SORT1: variants seen among roughly 807,000 people sequenced by gnomAD.
The protein encoded by SORT1 is sortilin.
A neutral mutation model predicts 101.7 loss-of-function variants in SORT1; 39 were observed. The observed-to-expected ratio is 0.38, with a 90% CI of 0.30 to 0.50. The LOEUF (loss-of-function observed/expected upper bound fraction) is 0.50. Among genes scored for constraint, SORT1 ranks in the 20% least tolerant of loss-of-function variants. The pLI, the probability that SORT1 is intolerant of heterozygous loss-of-function variation, is 0.90. For synonymous variants in SORT1, 396 were observed against 393.7 expected (o/e 1.01, Z -0.07); for missense variants, 878 against 1,040.4 (o/e 0.84, Z 2.15).
rs141187217 is a variant in SORT1, at chr1:109,313,205, G to C, written c.*838C>G. 1.3e-5 allele frequency: 2 copies of C among 152,558 alleles called. No individual in the cohort carries two copies. The highest frequency in any genetic ancestry group is 3.8e-4 in the East Asian group (2 of 5,198). 9.5% of individuals were successfully genotyped at this position (152,558 alleles called of 1,614,324 possible). ...AGCTAAGTTTGTACCCTGTCCTTGCGTAAGTCTACTGGCACACACACAAAG... is the reference window on the plus strand; with the variant it reads ...AGCTAAGTTTGTACCCTGTCCTTGCCTAAGTCTACTGGCACACACACAAAG... On this transcript the variant is annotated 3_prime_UTR_variant, in exon 20 of 20. Transcript: ENST00000256637.
At chr1:109,391,740 T>G (rs548160039) in intron 1 of SORT1, among the ~76,000 whole-genome samples, 1 of 152,282 alleles carries the variant, frequency 6.6e-6, no homozygotes, top group South Asian at 2.1e-4. Context: ...CAGTCACCAT[T>G]GAAACAAGAA....
chr1:109,393,205 C>T (rs1009483239), intron 1 of SORT1: 12 of 984,870 alleles, frequency 1.2e-5, no homozygotes, highest in Non-Finnish European at 1.4e-5. Flanking sequence ...CCATACAACA[C>T]GGCCTCTCTA....
intron 1 of SORT1, among the ~76,000 whole-genome samples, chr1:109,395,377 C>T (rs530124091): frequency 8.9e-4 from 135 of 151,784 alleles, no homozygotes; most frequent in African/African-American, 3.1e-3. Flanking sequence ...CATGCCACCG[C>T]GTCTGGCTAA....
chr1:109,376,754 G>A (rs1040831867), intron 1 of SORT1, among the ~76,000 whole-genome samples: 1 of 152,178 alleles, frequency 6.6e-6, no homozygotes, highest in African/African-American at 2.4e-5. Context: ...AGGGACGCAG[G>A]TGAGTACTGG....
At position 109,322,993 on chromosome 1, in the gene SORT1, G is replaced by C. The variant is rs750748573; in HGVS notation, c.1963C>G (p.Arg655Gly). The C allele has an allele frequency of 6.2e-7, 1 of 1,614,122 alleles. No individual in the cohort carries two copies. The highest frequency in any genetic ancestry group is 8.5e-7 in the Non-Finnish European group (1 of 1,180,012). Reference protein sequence around the residue: ...LRKSSVCQNGRDYVVTKQPSI... With the variant: ...LRKSSVCQNGGDYVVTKQPSI... ...GGCTGCTTGGTCACAACATAGTCTC[G>C]ACCATTCTGACACACGGATGACTTG... The change falls in exon 15 of 20, where the codon CGA becomes GGA. Residue 655 changes from arginine to glycine, a missense_variant. Physicochemically the swap from Arg to Gly is moderately radical, Grantham distance 125. Coordinates refer to ENST00000256637, the MANE Select transcript of SORT1 (RefSeq NM_002959.7).
chr1:109,313,928 GAAAC>G lies in SORT1; in HGVS notation c.*111_*114del, dbSNP rs1658870633. 1.1e-4 allele frequency: 111 copies of G among 973,858 alleles called. 2 individuals carry two copies. In the South Asian group the frequency reaches 1.7e-3, roughly 15 times the overall value. The allele number at this position is 973,858 out of a possible 1,614,324, so 60.3% of individuals were successfully genotyped here. ...CCTTTTGGCTTTGATGGAAGCAGCA[GAAAC>G]AGAGCTGGGTCCCTCGCAATGGGAA... On this transcript the variant is annotated 3_prime_UTR_variant, in exon 20 of 20. Coordinates refer to ENST00000256637, the MANE Select transcript of SORT1 (RefSeq NM_002959.7).
chr1:109,348,271 C>T (rs2101592873), intron 6 of SORT1, among the ~76,000 whole-genome samples: 1 of 150,488 alleles, frequency 6.6e-6, no homozygotes, highest in East Asian at 1.9e-4. Context: ...GGATTGCAAC[C>T]AAAAAAAGGT....
chr1:109,333,736 G>C (rs930968663), intron 11 of SORT1, among the ~76,000 whole-genome samples: 1 of 152,150 alleles, frequency 6.6e-6, no homozygotes, highest in Non-Finnish European at 1.5e-5. Context: ...TATTATCAAA[G>C]AGATAAAAGG....
At position 109,353,750 on chromosome 1, in the gene SORT1, T is replaced by C. The variant is rs1570940656; in HGVS notation, c.708+617A>G. Among the ~76,000 whole-genome samples the C allele has an allele frequency of 2.0e-5, 3 of 152,174 alleles. No homozygotes were observed. In the South Asian group the frequency reaches 6.2e-4, roughly 32 times the overall value. ...ATTCTGATTATTATAGTCTAGCAAC[T>C]CAGCCACTTTGGGCCCTTAACCACA... On this transcript the variant is annotated intron_variant, in intron 5 of 19. Coordinates refer to ENST00000256637, the MANE Select transcript of SORT1 (RefSeq NM_002959.7).
chr1:109,395,208 CTTTTTTTTTTTTTTTTT>C (rs71069681), intron 1 of SORT1, among the ~76,000 whole-genome samples: 17 of 42,602 alleles, frequency 4.0e-4, no homozygotes, highest in Non-Finnish European at 6.0e-4. Context: ...AACGCAAAAA[CTTTTTTTTTTTTTTTTT>C]TTTTTTTTTT....
intron 3 of SORT1, among the ~76,000 whole-genome samples, chr1:109,366,601 T>C (rs1243399143): frequency 6.6e-6 from 1 of 152,166 alleles, no homozygotes; most frequent in Non-Finnish European, 1.5e-5. Flanking sequence ...TTCATACTTC[T>C]TTCAGTTGCT....
chr1:109,319,929 C>T (rs533727140), intron 15 of SORT1, among the ~76,000 whole-genome samples: 1 of 151,870 alleles, frequency 6.6e-6, no homozygotes, highest in East Asian at 1.9e-4. Context: ...GCTCAATAAT[C>T]ATCAAATTCA....
intron 17 of SORT1, among the ~76,000 whole-genome samples, chr1:109,315,487 A>G (rs528424691): frequency 6.6e-6 from 1 of 151,882 alleles, no homozygotes; most frequent in Non-Finnish European, 1.5e-5. Flanking sequence ...CCCCTTACCA[A>G]TACACACACT....
chr1:109,388,058 AT>A (rs1039986678), intron 1 of SORT1, among the ~76,000 whole-genome samples: 4 of 151,200 alleles, frequency 2.6e-5, no homozygotes, highest in East Asian at 1.9e-4. Context: ...CAAGTAGTAC[AT>A]TTTTTTTTCC....
chr1:109,326,524 T>C (rs1259466044), intron 13 of SORT1, among the ~76,000 whole-genome samples: 15 of 143,618 alleles, frequency 1.0e-4, no homozygotes, highest in South Asian at 2.1e-4. Context: ...CACATATATA[T>C]ACACATATAT....
intron 18 of SORT1, 110 bp downstream of exon 18, chr1:109,314,562 G>C (rs2101521095): frequency 1.9e-6 from 2 of 1,078,900 alleles, no homozygotes; most frequent in Non-Finnish European, 1.4e-6. Flanking sequence ...GATTTTTCAG[G>C]AACAGTACTG....
intron 11 of SORT1, among the ~76,000 whole-genome samples, chr1:109,330,688 GT>G (rs903724221): frequency 6.6e-6 from 1 of 151,310 alleles, no homozygotes; most frequent in African/African-American, 2.4e-5. Context: ...ACTTAGAGTT[GT>G]TTTTTTTGAC....
At chr1:109,360,152 T>C (rs1036231630) in intron 3 of SORT1, among the ~76,000 whole-genome samples, 1 of 152,088 alleles carries the variant, frequency 6.6e-6, no homozygotes, top group Non-Finnish European at 1.5e-5. Flanking sequence ...AAAGGCAACA[T>C]AGTGAAAACC....
At chr1:109,345,700 A>C (rs188123341) in intron 8 of SORT1, 51 bp downstream of exon 8, 1 of 1,522,772 alleles carries the variant, frequency 6.6e-7, no homozygotes, top group Non-Finnish European at 8.9e-7. Flanking sequence ...AATCTATACG[A>C]GAGATATTTG....
Sources: allele counts gnomAD v4.1 joint callset (sites outside exome capture counted in the v4.1 genomes callset), GRCh38; gene constraint gnomAD v4.1.1; transcripts MANE v1.5; gene names NCBI Gene and HGNC (gene_info 2026-07-23, HGNC 2026-07-21).